Variants in FAS observed in about 807,000 individuals in gnomAD.
The protein encoded by FAS is Fas cell surface death receptor, also known as tumor necrosis factor receptor superfamily member 6.
Under a neutral mutation model 33.2 loss-of-function variants are expected in FAS, and 5 were observed. The observed-to-expected ratio is 0.15, with a 90% confidence interval of 0.08 to 0.32. The LOEUF (loss-of-function observed/expected upper bound fraction) is 0.32, where lower values mean the gene tolerates loss of function less well. FAS is among the 10% of genes least tolerant of loss of function. The pLI is 1.00. For missense variants in FAS, 339 were observed against 386.0 expected (o/e 0.88, Z 1.02); for synonymous variants, 131 against 130.7 (o/e 1.00, Z -0.01).
At chr10:88,996,005 A>G (rs1169690503) in intron 1 of FAS, among the ~76,000 whole-genome samples, 1 of 152,216 alleles carries the variant, frequency 6.6e-6, no homozygotes, top group Non-Finnish European at 1.5e-5. Flanking sequence ...TAAATTTGAC[A>G]ATTTGACATT....
chr10:88,989,894 T>C (rs552398709), upstream of FAS, among the ~76,000 whole-genome samples: 3 of 152,306 alleles, frequency 2.0e-5, no homozygotes, highest in South Asian at 6.2e-4. Context: ...TATCCAAACA[T>C]ACCTTCTGTA....
chr10:88,994,746 CAT>C (rs1188377520), intron 1 of FAS, among the ~76,000 whole-genome samples: 2 of 151,660 alleles, frequency 1.3e-5, no homozygotes, highest in South Asian at 2.1e-4. Flanking sequence ...ATTTTTATCT[CAT>C]ATTTTTTATT....
intron 2 of FAS, among the ~76,000 whole-genome samples, chr10:88,981,054 G>A (rs1379466937): frequency 1.3e-5 from 2 of 152,144 alleles, no homozygotes; most frequent in African/African-American, 4.8e-5. Context: ...GTAGGAACAG[G>A]GCATGGGGAG....
intron 1 of FAS, among the ~76,000 whole-genome samples, chr10:89,000,658 G>C (rs538467036): frequency 6.6e-6 from 1 of 151,706 alleles, no homozygotes; most frequent in Non-Finnish European, 1.5e-5. Context: ...CTGGACCACC[G>C]TTATACCCCC....
At chr10:88,986,254 T>G (rs998513985), upstream of FAS, among the ~76,000 whole-genome samples, 10 of 152,132 alleles carry the variant, frequency 6.6e-5, no homozygotes, top group African/African-American at 2.4e-4. Context: ...TGTCAGTTCT[T>G]AACACCCAGG....
chr10:88,990,769 G>A, upstream of FAS: 1 of 1,446,476 alleles, frequency 6.9e-7, no homozygotes, highest in East Asian at 2.3e-5. The surrounding 1 kb of genome is among the most constrained non-coding windows in gnomAD (Gnocchi z 4.9). Context: ...ACACCCTGAG[G>A]CCAGCCCTGG....
In FAS at chr10:89,004,935, G is replaced by C. The variant is rs9658740; in HGVS notation, c.196+1741G>C. On this transcript the variant is annotated intron_variant, in intron 2 of 8. Transcript: ENST00000652046. The stretch of plus-strand genomic sequence containing the variant: ...CTCATTAGTGTTGTGATATTCATAT[G>C]TAATTTGATTGAATATTGCATAAAT... Among the ~76,000 whole-genome samples, 350 of 152,256 alleles carry C rather than the reference G, an allele frequency of 2.3e-3. 3 individuals carry two copies. The highest frequency in any genetic ancestry group is 0.014 in the Admixed American group (208 of 15,286).
At chr10:88,985,660 C>A (rs777758030), upstream of FAS, among the ~76,000 whole-genome samples, 8 of 152,208 alleles carry the variant, frequency 5.3e-5, no homozygotes, top group Non-Finnish European at 8.8e-5. Flanking sequence ...ACCCCCATCC[C>A]ACTCCCTGGC....
rs1405501436 is a variant in FAS, at chr10:89,014,122, T to C, written c.680T>C (p.Val227Ala). The C allele has an allele frequency of 2.5e-6, 4 of 1,613,334 alleles. No individual in the cohort carries two copies. The highest frequency in any genetic ancestry group is 1.7e-6 in the Non-Finnish European group (2 of 1,179,828). Residue 227 changes from valine (V) to alanine (A), a missense_variant, in exon 9 of 9, where the codon GTT becomes GCT. By Grantham distance (64) the Val-to-Ala change is moderately conservative (BLOSUM62 0). Transcript: ENST00000652046. ...CAGACTATTTTCTATTTTTCAGATG[T>C]TGACTTGAGTAAATATATCACCACT... ...PETVAINLSDVDLSKYITTIA... is the reference protein window; with the variant it reads ...PETVAINLSDADLSKYITTIA...
At chr10:88,984,828 A>G (rs934397986), upstream of FAS, among the ~76,000 whole-genome samples, 2 of 152,184 alleles carry the variant, frequency 1.3e-5, no homozygotes, top group African/African-American at 4.8e-5. Flanking sequence ...ATAATGGGAG[A>G]CCATGGGAGG....
intron 4 of FAS, among the ~76,000 whole-genome samples, 161 bp from the exon 5 acceptor site, chr10:89,010,378 T>C (rs1848463882): frequency 6.6e-6 from 1 of 152,222 alleles, no homozygotes; most frequent in South Asian, 2.1e-4. Flanking sequence ...TTATATTAAC[T>C]TGTGCCAGCT....
chr10:88,996,785 CA>C (rs1203908538), intron 1 of FAS, among the ~76,000 whole-genome samples: 2 of 151,862 alleles, frequency 1.3e-5, no homozygotes, highest in Non-Finnish European at 2.9e-5. Context: ...AAAAATAATA[CA>C]AAAAAACCCT....
chr10:89,009,439 A>G (rs1848414939), intron 4 of FAS, among the ~76,000 whole-genome samples: 1 of 152,262 alleles, frequency 6.6e-6, no homozygotes, highest in Admixed American at 6.5e-5. Context: ...TAACAGGTGC[A>G]CATGGATGGA....
chr10:89,002,949 A>G (rs777595803), intron 1 of FAS, 80 bp from the exon 2 acceptor site: 6 of 1,541,410 alleles, frequency 3.9e-6, no homozygotes, highest in Non-Finnish European at 5.3e-6. Context: ...GATACTGCCA[A>G]TTTTGGGTGG....
At chr10:88,980,780 A>G (rs1340999731) in intron 2 of FAS, among the ~76,000 whole-genome samples, 3 of 152,224 alleles carry the variant, frequency 2.0e-5, no homozygotes, top group Admixed American at 6.5e-5. Context: ...CAAGGCAATG[A>G]TAAGAAAGAA....
At chr10:88,992,394 CAT>C (rs1365460185) in intron 1 of FAS, 1 of 152,144 alleles carries the variant, frequency 6.6e-6, no homozygotes, top group East Asian at 1.9e-4. Context: ...TTGAAAATCT[CAT>C]AGTTTTTGGA....
chr10:88,979,992 C>T (rs1284824977), intron 2 of FAS, among the ~76,000 whole-genome samples: 1 of 152,194 alleles, frequency 6.6e-6, no homozygotes, highest in Non-Finnish European at 1.5e-5. Context: ...CAGAAAAAGG[C>T]AACGCTAATT....
At position 89,015,024 on chromosome 10, in the gene FAS, C is replaced by G. The variant is rs1357695254; in HGVS notation, c.*574C>G. 1.9e-6 allele frequency: 1 copy of G among 533,402 alleles called. No homozygotes were observed. The highest frequency in any genetic ancestry group is 3.9e-5 in the East Asian group (1 of 25,662). The allele number at this position is 533,402 out of a possible 1,614,324, so 33.0% of individuals were successfully genotyped here. On this transcript the variant is annotated 3_prime_UTR_variant, in exon 9 of 9. Transcript: ENST00000652046. The stretch of plus-strand genomic sequence containing the variant: ...AGGCTCTACCTCAAAGACCTTTGCA[C>G]AGTTTATTGGTGTCATATTATACAA...
rs2119491775 is a variant in FAS, at chr10:89,016,773, CAGA to C, written c.*2326_*2328del. On this transcript the variant is annotated 3_prime_UTR_variant, in exon 9 of 9. Coordinates refer to ENST00000652046, the MANE Select transcript of FAS (RefSeq NM_000043.6). ...GAGCTGCAGAAAAAAAGGCTATTTGCAGAAGGAGCTCACAGATCACATTGAAAG... is the reference window on the plus strand; with the variant it reads ...GAGCTGCAGAAAAAAAGGCTATTTGCAGGAGCTCACAGATCACATTGAAAG... 1 of 221,562 alleles carries C rather than the reference CAGA, an allele frequency of 4.5e-6. No individual in the cohort carries two copies. Among genetic ancestry groups the C allele is most frequent in the East Asian group, 6.6e-5 (1 of 15,204 alleles). 13.7% of individuals were successfully genotyped at this position (221,562 alleles called of 1,614,324 possible).
Sources: gnomAD v4.1 joint callset for allele counts (sites outside exome capture counted in the v4.1 genomes callset) on GRCh38, gnomAD v4.1.1 for gene constraint, Gnocchi (gnomAD v3.1) non-coding constraint, MANE v1.5 for transcripts, NCBI Gene and HGNC (gene_info 2026-07-23, HGNC 2026-07-21) for gene names.